GALNT13: variants seen among roughly 807,000 people sequenced by gnomAD.
The protein encoded by GALNT13 is UDP-GalNAc:polypeptide N-acetylgalactosaminyltransferase 13.
A neutral mutation model predicts 64.2 loss-of-function variants in GALNT13; 28 were observed. The ratio of observed to expected loss-of-function variants is 0.44; its 90% CI spans 0.32 to 0.60. The LOEUF (loss-of-function observed/expected upper bound fraction) is 0.60. Ranked by LOEUF, GALNT13 falls within the 20% of genes least tolerant of loss-of-function variation. The pLI, the probability that GALNT13 is intolerant of heterozygous loss-of-function variation, is 0.05. For missense variants in GALNT13, 577 were observed against 669.8 expected (o/e 0.86, Z 1.53); for synonymous variants, 214 against 224.6 (o/e 0.95, Z 0.42).
intron 4 of GALNT13, among the ~76,000 whole-genome samples, chr2:154,203,059 T>C (rs1264313034): frequency 6.6e-6 from 1 of 152,124 alleles, no homozygotes; most frequent in South Asian, 2.1e-4. Flanking sequence ...CAGTCTGTAC[T>C]TGTGTTTTCG....
the GALNT13 span, among the ~76,000 whole-genome samples, chr2:153,563,032 C>T: frequency 2.6e-5 from 4 of 151,942 alleles, no homozygotes; most frequent in Admixed American, 6.6e-5. Flanking sequence ...CTTAGGATTA[C>T]CTATTATATC....
chr2:153,529,098 A>G, the GALNT13 span, among the ~76,000 whole-genome samples: 2 of 152,024 alleles, frequency 1.3e-5, no homozygotes, highest in African/African-American at 4.8e-5. Context: ...TGAAATTGAA[A>G]TGAAGAAAAC....
At chr2:153,077,963 C>T in the GALNT13 span, among the ~76,000 whole-genome samples, 4 of 152,042 alleles carry the variant, frequency 2.6e-5, no homozygotes, top group Non-Finnish European at 4.4e-5. Flanking sequence ...GTTATGTATG[C>T]TTATTTGTTC....
chr2:154,381,523 C>T (rs1255929892), intron 9 of GALNT13, among the ~76,000 whole-genome samples: 1 of 152,028 alleles, frequency 6.6e-6, no homozygotes, highest in Non-Finnish European at 1.5e-5. Flanking sequence ...AGGAAAGAAA[C>T]TGTATAGAGG....
intron 2 of GALNT13, among the ~76,000 whole-genome samples, chr2:153,931,253 T>TA (rs1690497291): frequency 6.6e-6 from 1 of 150,998 alleles, no homozygotes; most frequent in Admixed American, 6.7e-5. Flanking sequence ...TAGCAGAGAC[T>TA]GTAGGGTTTT....
the GALNT13 span, among the ~76,000 whole-genome samples, chr2:153,668,943 G>A: frequency 6.6e-6 from 1 of 152,188 alleles, no homozygotes; most frequent in African/African-American, 2.4e-5. Flanking sequence ...AAGGGGAACT[G>A]TCAGATGAGG....
chr2:153,692,708 T>G, the GALNT13 span, among the ~76,000 whole-genome samples: 1 of 152,226 alleles, frequency 6.6e-6, no homozygotes, highest in African/African-American at 2.4e-5. Context: ...CTCTGGTTCT[T>G]TGTTTTAATC....
the GALNT13 span, among the ~76,000 whole-genome samples, chr2:153,072,951 G>A: frequency 1.3e-5 from 2 of 152,018 alleles, no homozygotes; most frequent in African/African-American, 2.4e-5. Context: ...ATTTTTATGC[G>A]GTAGCATGTT....
intron 3 of GALNT13, among the ~76,000 whole-genome samples, chr2:154,048,223 G>A (rs1423442902): frequency 6.6e-6 from 1 of 152,088 alleles, no homozygotes; most frequent in Non-Finnish European, 1.5e-5. Context: ...AGCACTAGGG[G>A]ATGGTGTTAA....
intron 9 of GALNT13, among the ~76,000 whole-genome samples, chr2:154,393,337 A>C (rs1363644655): frequency 6.6e-6 from 1 of 152,198 alleles, no homozygotes; most frequent in African/African-American, 2.4e-5. Context: ...AAAGGAAAAG[A>C]AAGCTCTCAT....
intron 1 of GALNT13, among the ~76,000 whole-genome samples, chr2:153,898,650 A>G (rs1366039143): frequency 6.6e-6 from 1 of 151,984 alleles, no homozygotes; most frequent in Non-Finnish European, 1.5e-5. Flanking sequence ...TCCCTTAGCT[A>G]TGAAAATTAT....
At chr2:154,342,819 A>AGT (rs1181810301) in intron 9 of GALNT13, among the ~76,000 whole-genome samples, 2 of 140,628 alleles carry the variant, frequency 1.4e-5, no homozygotes, top group South Asian at 2.2e-4. Context: ...TATAATTAAG[A>AGT]GTGTGCGTGT....
chr2:154,015,310 A>G (rs1696930538), intron 3 of GALNT13, among the ~76,000 whole-genome samples: 1 of 152,254 alleles, frequency 6.6e-6, no homozygotes, highest in Non-Finnish European at 1.5e-5. Context: ...TTTGTTAAAA[A>G]TTTAACAATA....
intron 9 of GALNT13, among the ~76,000 whole-genome samples, chr2:154,364,191 TGTTATA>T (rs149071380): frequency 0.016 from 2,441 of 152,312 alleles, 68 homozygotes; most frequent in African/African-American, 0.056. Context: ...AATTTACAAC[TGTTATA>T]GTTATAGAAA....
the GALNT13 span, among the ~76,000 whole-genome samples, chr2:153,547,178 A>G: frequency 7.2e-5 from 11 of 152,326 alleles, no homozygotes; most frequent in African/African-American, 2.6e-4. Context: ...ATTGTACTGC[A>G]TATTTTCAGT....
rs1436324104 is a variant in GALNT13, at chr2:154,151,824, G to C, written c.311+11319G>C. 7.2e-5 allele frequency among the ~76,000 whole-genome samples: 11 copies of C among 152,136 alleles called. No homozygotes were observed. In the East Asian group the frequency reaches 9.7e-4, roughly 13 times the overall value. On this transcript the variant is annotated intron_variant, in intron 4 of 12. Coordinates refer to ENST00000392825, the MANE Select transcript of GALNT13 (RefSeq NM_052917.4). Reference sequence around the variant, plus strand: ...CCTTTTATTTTGAGCCTATGTGTGTGTCTGCATGTGAGATGGGTTTCCTGA... The same window carrying C: ...CCTTTTATTTTGAGCCTATGTGTGTCTCTGCATGTGAGATGGGTTTCCTGA...
intron 11 of GALNT13, among the ~76,000 whole-genome samples, chr2:154,425,703 T>C (rs1245550253): frequency 6.6e-6 from 1 of 152,130 alleles, no homozygotes; most frequent in Non-Finnish European, 1.5e-5. Context: ...GTTGGAATAG[T>C]GGGAGAAATT....
In GALNT13 at chr2:154,098,907, TGA is replaced by T. The variant is rs929355808; in HGVS notation, c.143-41429_143-41428del. ...AGTGCAGGTGTCTTTATGTATATAA[TGA>T]TTTTTTTTTTCCTTTGGGTAGATAC... is the stretch of plus-strand genomic sequence containing the variant. On this transcript the variant is annotated intron_variant, in intron 3 of 12. Transcript: ENST00000392825. Among the ~76,000 whole-genome samples the T allele has an allele frequency of 4.2e-4, 54 of 128,388 alleles. No individual in the cohort carries two copies. In the South Asian group the frequency reaches 0.014, roughly 33 times the overall value. The allele number at this position is 128,388 out of a possible 152,430, so 84.2% of individuals were successfully genotyped here.
chr2:154,070,981 A>G (rs1296311236), intron 3 of GALNT13, among the ~76,000 whole-genome samples: 1 of 152,054 alleles, frequency 6.6e-6, no homozygotes, highest in East Asian at 1.9e-4. Flanking sequence ...TAAGGAGACA[A>G]TAAAATACTT....
Sources: gnomAD v4.1 joint callset for allele counts (sites outside exome capture counted in the v4.1 genomes callset) on GRCh38, gnomAD v4.1.1 for gene constraint, MANE v1.5 for transcripts, NCBI Gene and HGNC (gene_info 2026-07-23, HGNC 2026-07-21) for gene names.